Variants in ABCA3 observed in about 807,000 individuals in gnomAD.
The protein encoded by ABCA3 is phospholipid-transporting ATPase ABCA3.
A neutral mutation model predicts 172.8 loss-of-function variants in ABCA3; 88 were observed. The ratio of observed to expected loss-of-function variants is 0.51; its 90% confidence interval spans 0.43 to 0.61. The LOEUF is 0.61. Ranked by LOEUF, ABCA3 falls within the 20% of genes least tolerant of loss-of-function variation. The pLI is 0.00. For synonymous variants in ABCA3, 1,066 were observed against 983.8 expected, an observed-to-expected ratio of 1.08 and a Z score of -1.56; for missense variants, 2,164 against 2,301.0, an observed-to-expected ratio of 0.94 and a Z score of 1.22.
At chr16:2,313,470 T>C (rs1029136087) in intron 10 of ABCA3, among the ~76,000 whole-genome samples, 2 of 149,962 alleles carry the variant, frequency 1.3e-5, no homozygotes, top group African/African-American at 4.9e-5. Context: ...GGAGAATTGC[T>C]TGAACCCAGG....
chr16:2,304,736 C>T (rs1300893932), intron 11 of ABCA3, among the ~76,000 whole-genome samples: 21 of 146,472 alleles, frequency 1.4e-4, no homozygotes, highest in Non-Finnish European at 2.7e-4. Context: ...AGTGCAGTGG[C>T]ACGATCTCGG....
At position 2,298,392 on chromosome 16, in the gene ABCA3, G is replaced by T; in HGVS notation, c.1890C>A (p.Tyr630Ter). Residue 630 changes from tyrosine (Y) to a stop codon, truncating the protein, a stop_gained, in exon 15 of 33, where the codon TAC becomes TAA. Coordinates refer to ENST00000301732, the MANE Select transcript of ABCA3 (RefSeq NM_001089.3). LOFTEE classifies it high-confidence loss of function. ...CCCCTGGCCCCCAACTCACCTGGGC[G>T]TAGAAATAAAGGTGCTCTGCGACTG... Reference protein sequence around the residue: ...NLTVAEHLYFYAQLKGLSRQK... With the variant: ...NLTVAEHLYF The T allele has an allele frequency of 1.2e-6, 2 of 1,614,044 alleles. No homozygotes were observed. The highest frequency in any genetic ancestry group is 1.7e-6 in the Non-Finnish European group (2 of 1,180,014).
chr16:2,291,413 G>T (rs897260829), intron 19 of ABCA3, among the ~76,000 whole-genome samples: 1 of 151,940 alleles, frequency 6.6e-6, no homozygotes, highest in Non-Finnish European at 1.5e-5. Flanking sequence ...GCCTCCCAAA[G>T]TGCTGGGATG....
In ABCA3 at chr16:2,300,082, T is replaced by G; in HGVS notation, c.1534A>C (p.Lys512Gln). 1 of 1,613,510 alleles carries G rather than the reference T, an allele frequency of 6.2e-7. No individual in the cohort carries two copies. The highest frequency in any genetic ancestry group is 1.3e-5 in the African/African-American group (1 of 74,854). ...TCAAAGTACTCGTTTCTGAGTGCTT[T>G]CTCGGGGTCACTGTCTTCTTCCTCC... is the stretch of plus-strand genomic sequence containing the variant. Reference protein sequence around the residue: ...GKEEEDSDPEKALRNEYFEAE... With the variant: ...GKEEEDSDPEQALRNEYFEAE... The change falls in exon 13 of 33, where the codon AAA (lysine) becomes CAA (glutamine). Residue 512 changes from lysine to glutamine, a missense_variant. Physicochemically the swap from Lys to Gln is moderately conservative, Grantham distance 53. Around this residue, in one of 3 missense-constraint regions of ABCA3, gnomAD observed 1,343 missense variants for 1,369.6 expected, o/e 0.98. Coordinates refer to ENST00000301732, the MANE Select transcript of ABCA3 (RefSeq NM_001089.3).
chr16:2,318,289 G>A (rs1279258182), intron 8 of ABCA3, among the ~76,000 whole-genome samples: 3 of 152,128 alleles, frequency 2.0e-5, no homozygotes, highest in Admixed American at 2.0e-4. Context: ...GCGCAGTGAT[G>A]GGTCGGCTCT....
rs377471798 is a variant in ABCA3 at position 2,277,006 on chromosome 16, C to T, written c.4984-201G>A. Reference sequence around the variant, plus strand: ...AGGACGCTGGCTAAGCAGGAGCCAGCGGGGATGGGGCCCAGCCTCCTCCCT... The same window carrying T: ...AGGACGCTGGCTAAGCAGGAGCCAGTGGGGATGGGGCCCAGCCTCCTCCCT... On this transcript the variant is annotated intron_variant, in intron 32 of 32. Coordinates refer to ENST00000301732, the MANE Select transcript of ABCA3 (RefSeq NM_001089.3). This position sits in a 1 kb window ranked among gnomAD's most constrained non-coding sequence, Gnocchi z 5.3. Among the ~76,000 whole-genome samples, 2 of 152,176 alleles carry T rather than the reference C, an allele frequency of 1.3e-5. No homozygotes were observed. The highest frequency in any genetic ancestry group is 2.4e-5 in the African/African-American group (1 of 41,442).
Position 2,287,211 on chromosome 16 carries a change from A to G in ABCA3, c.3005-244T>C, listed in dbSNP as rs1355868357. 6.6e-6 allele frequency among the ~76,000 whole-genome samples: 1 copy of G among 152,224 alleles called. No individual in the cohort carries two copies. The highest frequency in any genetic ancestry group is 1.5e-5 in the Non-Finnish European group (1 of 68,038). ...GAGCTGCAAAATAAGAAAACCTTCC[A>G]GTAGGTTCCATTAACCAGAGCACGG... On this transcript the variant is annotated intron_variant, in intron 21 of 32. Transcript: ENST00000301732. This position sits in a 1 kb window ranked among gnomAD's most constrained non-coding sequence, Gnocchi z 4.1.
chr16:2,333,709 G>A (rs2093747051), intron 1 of ABCA3, among the ~76,000 whole-genome samples: 1 of 142,306 alleles, frequency 7.0e-6, no homozygotes. Context: ...TTTTTTTTGA[G>A]ACGGAGTCTC....
intron 1 of ABCA3, chr16:2,332,358 A>C (rs1233370456): frequency 2.5e-6 from 2 of 813,000 alleles, no homozygotes; most frequent in Non-Finnish European, 2.2e-6. Flanking sequence ...CAGGGCTTCT[A>C]AACTTTTTGG....
intron 11 of ABCA3, among the ~76,000 whole-genome samples, chr16:2,307,764 C>G (rs548604871): frequency 6.6e-6 from 1 of 152,088 alleles, no homozygotes; most frequent in Admixed American, 6.5e-5. Context: ...TGCCACCACG[C>G]CCGGCTAATT....
chr16:2,319,644 G>A lies in ABCA3; in HGVS notation c.810C>T (p.Ser270=), dbSNP rs1038053029. Reference sequence around the variant, plus strand: ...CAATGGTGAGCGCGGTGTAGGTGAAGCTGAGCAGCAGCAGCAGGGGCAGCT... The same window carrying A: ...CAATGGTGAGCGCGGTGTAGGTGAAACTGAGCAGCAGCAGCAGGGGCAGCT... ...QYQLPLLLLL[S]FTYTALTIAR... The change falls in exon 8 of 33, where the codon AGC becomes AGT. Residue 270 remains serine (S), a synonymous_variant. Coordinates refer to ENST00000301732, the MANE Select transcript of ABCA3 (RefSeq NM_001089.3). 1 of 1,613,776 alleles carries A rather than the reference G, an allele frequency of 6.2e-7. No homozygotes were observed. The highest frequency in any genetic ancestry group is 8.5e-7 in the Non-Finnish European group (1 of 1,180,028).
chr16:2,304,259 C>G (rs969620627), intron 11 of ABCA3, 109 bp from the exon 12 acceptor site: 32 of 1,176,476 alleles, frequency 2.7e-5, no homozygotes, highest in Non-Finnish European at 4.1e-5. Context: ...ATGGCCACTG[C>G]TTGGTTGGCA....
intron 14 of ABCA3, among the ~76,000 whole-genome samples, chr16:2,299,074 G>A (rs2093684728): frequency 6.9e-6 from 1 of 144,466 alleles, no homozygotes; most frequent in African/African-American, 2.5e-5. Flanking sequence ...GAGGCGGTGA[G>A]GAGGGCAGGG....
chr16:2,326,517 G>T (rs748521643), intron 3 of ABCA3, 25 bp from the exon 4 acceptor site: 8 of 1,580,070 alleles, frequency 5.1e-6, no homozygotes, highest in Non-Finnish European at 6.9e-6. Context: ...AAGACAGAGA[G>T]TGTGGGTGCG....
chr16:2,280,558 C>T (rs1429370724), intron 28 of ABCA3, among the ~76,000 whole-genome samples: 2 of 152,186 alleles, frequency 1.3e-5, no homozygotes, highest in East Asian at 1.9e-4. Context: ...TTACCATTTC[C>T]CCTGCTCTGC....
chr16:2,277,680 GGA>G lies in ABCA3; in HGVS notation c.4910-12_4910-11del. ...TCTTCCAGGACGCTGCCTGCACAAA[GGA>G]GAGACGGTGTTGCTGTGAGCGCCGG... is the stretch of plus-strand genomic sequence containing the variant. On this transcript the variant is annotated splice_polypyrimidine_tract_variant and intron_variant, in intron 31 of 32. Coordinates refer to ENST00000301732, the MANE Select transcript of ABCA3 (RefSeq NM_001089.3). The surrounding 1 kb of genome is among the most constrained non-coding windows in gnomAD (Gnocchi z 5.3). The G allele has an allele frequency of 6.2e-7, 1 of 1,613,158 alleles. No homozygotes were observed. Among genetic ancestry groups the G allele is most frequent in the Non-Finnish European group, 8.5e-7 (1 of 1,180,004 alleles).
At chr16:2,298,321 G>A (rs1230195509) in intron 15 of ABCA3, 65 bp downstream of exon 15, 4 of 1,606,830 alleles carry the variant, frequency 2.5e-6, no homozygotes, top group Non-Finnish European at 3.4e-6. Context: ...CTCCTCGGAA[G>A]ACTGCCCCAG....
intron 1 of ABCA3, among the ~76,000 whole-genome samples, chr16:2,331,073 T>A (rs1172470563): frequency 6.6e-6 from 1 of 152,150 alleles, no homozygotes; most frequent in Non-Finnish European, 1.5e-5. Flanking sequence ...ACTACACTAC[T>A]ACAACCTGTG....
Position 2,281,339 on chromosome 16 carries a change from G to C in ABCA3, c.4164+42C>G. ...GTCGGACCCTGGGGACAGCCAGGTA[G>C]TCAGCTGGCAGGAAGGACTCCACCC... On this transcript the variant is annotated intron_variant, in intron 27 of 32. Coordinates refer to ENST00000301732, the MANE Select transcript of ABCA3 (RefSeq NM_001089.3). The surrounding 1 kb of genome is among the most constrained non-coding windows in gnomAD (Gnocchi z 4.7). 1 of 1,613,392 alleles carries C rather than the reference G, an allele frequency of 6.2e-7. No individual in the cohort carries two copies. Among genetic ancestry groups the C allele is most frequent in the Non-Finnish European group, 8.5e-7 (1 of 1,179,862 alleles).
Sources: allele counts gnomAD v4.1 joint callset (sites outside exome capture counted in the v4.1 genomes callset), GRCh38; gene constraint gnomAD v4.1.1; regional missense constraint gnomAD v4.1.1; non-coding constraint Gnocchi (gnomAD v3.1); transcripts MANE v1.5; gene names NCBI Gene and HGNC (gene_info 2026-07-23, HGNC 2026-07-21).